The following SLC22A5 variants were observed in gnomAD, a reference collection of about 807,000 sequenced individuals.
SLC22A5 encodes the protein organic cation/carnitine transporter 2.
In SLC22A5, 44 loss-of-function variants were observed where a neutral mutation model predicts 56.7. That is an observed-to-expected ratio of 0.78 (90% CI 0.61 to 1.00). The LOEUF is 1.00. Among genes scored for constraint, SLC22A5 ranks in the 50% least tolerant of loss-of-function variants. The pLI is 0.00. For synonymous variants in SLC22A5, 278 were observed against 292.1 expected (o/e 0.95, Z 0.49); for missense variants, 675 against 723.0 (o/e 0.93, Z 0.76).
chr5:132,380,160 T>G (rs1752297715), intron 2 of SLC22A5: 1 of 152,466 alleles, frequency 6.6e-6, no homozygotes, highest in Admixed American at 6.6e-5. Flanking sequence ...GAGTCGAAAG[T>G]AGCCAGCTGA....
chr5:132,371,297 G>A (rs1331301555), intron 1 of SLC22A5, among the ~76,000 whole-genome samples: 1 of 152,200 alleles, frequency 6.6e-6, no homozygotes, highest in African/African-American at 2.4e-5. Context: ...TTCATCTGAA[G>A]ATGGGTTCAG....
intron 7 of SLC22A5, 56 bp from the exon 8 acceptor site, chr5:132,392,377 T>C (rs1752731562): frequency 1.3e-6 from 2 of 1,501,528 alleles, no homozygotes; most frequent in Non-Finnish European, 1.9e-6. Context: ...TTGCTCTCAA[T>C]AGCTGCATGC....
intron 1 of SLC22A5, among the ~76,000 whole-genome samples, chr5:132,375,128 A>G (rs1752091078): frequency 6.6e-6 from 1 of 152,244 alleles, no homozygotes; most frequent in African/African-American, 2.4e-5. Flanking sequence ...GCAGCCAAGC[A>G]AGAACTAAAG....
chr5:132,371,085 T>G (rs1751906153), intron 1 of SLC22A5, among the ~76,000 whole-genome samples: 1 of 151,442 alleles, frequency 6.6e-6, no homozygotes, highest in Non-Finnish European at 1.5e-5. Context: ...GCTCAAGTGA[T>G]TCTCCTGCCT....
chr5:132,375,794 G>A (rs1464808384), intron 1 of SLC22A5, among the ~76,000 whole-genome samples: 1 of 152,214 alleles, frequency 6.6e-6, no homozygotes, highest in Non-Finnish European at 1.5e-5. Flanking sequence ...CTCCCAGATT[G>A]TTTTCAGGTT....
chr5:132,381,319 G>A (rs1156875778), intron 2 of SLC22A5: 3 of 152,196 alleles, frequency 2.0e-5, no homozygotes, highest in Non-Finnish European at 2.9e-5. Flanking sequence ...TTTCATTAAA[G>A]TAGGATAATT....
At chr5:132,386,883 C>CT in intron 4 of SLC22A5, 142 bp from the exon 5 acceptor site, 1 of 900,686 alleles carries the variant, frequency 1.1e-6, no homozygotes, top group South Asian at 1.4e-5. Context: ...TGGATCAGCT[C>CT]TTTGCTTCTG....
intron 5 of SLC22A5, chr5:132,387,724 C>T (rs1345710902): frequency 5.5e-6 from 1 of 181,610 alleles, no homozygotes; most frequent in South Asian, 9.5e-5. Context: ...TCCCCCTACC[C>T]CACCCCTCCC....
Position 132,390,739 on chromosome 5 carries a change from T to G in SLC22A5, c.1102T>G (p.Leu368Val). 6.2e-7 allele frequency: 1 copy of G among 1,614,238 alleles called. No homozygotes were observed. The change falls in exon 7 of 10, where the codon TTG becomes GTG. Residue 368 changes from leucine (L) to valine (V), a missense_variant. Transcript: ENST00000245407. Reference sequence around the variant, plus strand: ...TGGGCTTTCGCTTGATACTCCTAACTTGCATGGGGACATCTTTGTGAACTG... The same window carrying G: ...TGGGCTTTCGCTTGATACTCCTAACGTGCATGGGGACATCTTTGTGAACTG... ...YFGLSLDTPN[L>V]HGDIFVNCFL...
intron 7 of SLC22A5, 70 bp downstream of exon 7, chr5:132,390,974 T>A: frequency 7.9e-7 from 1 of 1,261,162 alleles, no homozygotes; most frequent in East Asian, 2.4e-5. Flanking sequence ...GCTGTCTCAA[T>A]TAATAAAGAG....
chr5:132,374,154 G>A (rs1224700979), intron 1 of SLC22A5, among the ~76,000 whole-genome samples: 9 of 151,888 alleles, frequency 5.9e-5, no homozygotes, highest in Admixed American at 4.6e-4. Flanking sequence ...TGGGAAGTGG[G>A]GGTTGCAGTA....
chr5:132,384,879 G>A (rs1004319569), intron 3 of SLC22A5, among the ~76,000 whole-genome samples: 21 of 152,236 alleles, frequency 1.4e-4, no homozygotes, highest in African/African-American at 5.1e-4. Context: ...GCCGGCCTGT[G>A]TTTGGAGGAA....
chr5:132,382,401 C>CT (rs1311055265), intron 2 of SLC22A5: 19 of 133,032 alleles, frequency 1.4e-4, no homozygotes, highest in African/African-American at 5.0e-4. Context: ...CTGTGGCCTT[C>CT]TTTAACCATG....
chr5:132,378,240 G>A, intron 1 of SLC22A5, 138 bp from the exon 2 acceptor site: 2 of 1,613,930 alleles, frequency 1.2e-6, no homozygotes, highest in Non-Finnish European at 1.7e-6. Context: ...GCCCAGGTGA[G>A]CCATCACCTG....
chr5:132,371,590 G>A (rs1339830856), intron 1 of SLC22A5, among the ~76,000 whole-genome samples: 3 of 152,146 alleles, frequency 2.0e-5, no homozygotes, highest in Admixed American at 6.5e-5. Flanking sequence ...CATTGAGTAA[G>A]TAGCCAGTGA....
chr5:132,385,040 T>A (rs1752473973), intron 3 of SLC22A5, among the ~76,000 whole-genome samples: 1 of 152,194 alleles, frequency 6.6e-6, no homozygotes, highest in South Asian at 2.1e-4. Context: ...TTCTTCCTCA[T>A]GTGAGGATTA....
intron 9 of SLC22A5, 29 bp downstream of exon 9, chr5:132,393,840 T>C: frequency 1.2e-6 from 2 of 1,613,802 alleles, no homozygotes; most frequent in Non-Finnish European, 1.7e-6. Context: ...TCAGTGTTGA[T>C]GCACTGGGTC....
chr5:132,375,063 A>G (rs1481861782), intron 1 of SLC22A5, among the ~76,000 whole-genome samples: 3 of 152,182 alleles, frequency 2.0e-5, no homozygotes, highest in African/African-American at 4.8e-5. Context: ...CAAAAGAAAA[A>G]AAAGAGTATT....
At chr5:132,378,303 C>T (rs1752219015) in intron 1 of SLC22A5, 75 bp from the exon 2 acceptor site, 8 of 1,612,652 alleles carry the variant, frequency 5.0e-6, no homozygotes, top group Non-Finnish European at 6.8e-6. Flanking sequence ...GTTCTGACTT[C>T]ATTTTCCAGG....
Sources: gnomAD v4.1 joint callset for allele counts (sites outside exome capture counted in the v4.1 genomes callset) on GRCh38, gnomAD v4.1.1 for gene constraint, MANE v1.5 for transcripts, NCBI Gene and HGNC (gene_info 2026-07-23, HGNC 2026-07-21) for gene names.